The following SLC4A4 variants were observed in gnomAD, a reference collection of about 807,000 sequenced individuals.
SLC4A4 encodes the protein solute carrier family 4 member 4.
SLC4A4 carries 27 observed loss-of-function variants against 111.5 expected under a neutral mutation model. The ratio of observed to expected loss-of-function variants is 0.24; its 90% confidence interval spans 0.18 to 0.33. SLC4A4 has a LOEUF of 0.33. SLC4A4 is among the 10% of genes least tolerant of loss of function. The pLI, the probability that SLC4A4 is intolerant of heterozygous loss-of-function variation, is 1.00. For missense variants in SLC4A4, 909 were observed against 1,315.5 expected, an observed-to-expected ratio of 0.69 and a Z score of 4.78; for synonymous variants, 443 against 463.4, an observed-to-expected ratio of 0.96 and a Z score of 0.57.
intron 3 of SLC4A4, among the ~76,000 whole-genome samples, chr4:71,289,939 A>G (rs1724205005): frequency 6.6e-6 from 1 of 152,188 alleles, no homozygotes; most frequent in Admixed American, 6.5e-5. Context: ...AATGACAGAT[A>G]CTGGTAATTA....
At chr4:71,334,420 A>G (rs979474016) in intron 3 of SLC4A4, among the ~76,000 whole-genome samples, 1 of 151,578 alleles carries the variant, frequency 6.6e-6, no homozygotes, top group Non-Finnish European at 1.5e-5. Context: ...TCTTCCCTCT[A>G]CTCTCCTCAA....
chr4:71,307,402 A>C (rs1037475344), intron 3 of SLC4A4, among the ~76,000 whole-genome samples: 1 of 152,216 alleles, frequency 6.6e-6, no homozygotes, highest in African/African-American at 2.4e-5. Context: ...TGGAAAACAC[A>C]GGTGTTGTCT....
At chr4:71,373,482 GC>G (rs1412914235) in intron 6 of SLC4A4, among the ~76,000 whole-genome samples, 1 of 152,130 alleles carries the variant, frequency 6.6e-6, no homozygotes, top group Admixed American at 6.6e-5. Context: ...ATCATGCTAG[GC>G]TAGAGAAAAG....
intron 7 of SLC4A4, among the ~76,000 whole-genome samples, chr4:71,406,056 T>C (rs921673445): frequency 6.6e-6 from 1 of 151,974 alleles, no homozygotes; most frequent in Admixed American, 6.6e-5. Context: ...CAAGAGCCCT[T>C]CTTGGTGGTC....
intron 16 of SLC4A4, among the ~76,000 whole-genome samples, chr4:71,509,087 T>C (rs1731674197): frequency 6.6e-6 from 1 of 152,200 alleles, no homozygotes; most frequent in South Asian, 2.1e-4. Context: ...AAACTAGTTA[T>C]TAAAGGAAGA....
At chr4:71,381,037 G>A (rs975629562) in intron 6 of SLC4A4, among the ~76,000 whole-genome samples, 2 of 152,260 alleles carry the variant, frequency 1.3e-5, no homozygotes, top group Non-Finnish European at 1.5e-5. Flanking sequence ...AACAGCTGGA[G>A]CACACTTACT....
chr4:71,530,968 C>G (rs2149208082), intron 16 of SLC4A4, among the ~76,000 whole-genome samples: 1 of 152,176 alleles, frequency 6.6e-6, no homozygotes, highest in East Asian at 1.9e-4. Flanking sequence ...AGCAGGCTTC[C>G]TTGTATATAA....
chr4:71,510,981 A>G (rs1334363099), intron 16 of SLC4A4, among the ~76,000 whole-genome samples: 2 of 152,100 alleles, frequency 1.3e-5, no homozygotes, highest in Non-Finnish European at 2.9e-5. Context: ...TCATTGCATA[A>G]AACAATTTTG....
intron 16 of SLC4A4, among the ~76,000 whole-genome samples, chr4:71,530,784 T>C (rs1462941980): frequency 2.0e-5 from 3 of 152,142 alleles, no homozygotes; most frequent in African/African-American, 7.2e-5. Flanking sequence ...TTAGTTTCTG[T>C]TGACTACCTG....
chr4:71,144,017 T>C (rs1744089206), intron 2 of SLC4A4, among the ~76,000 whole-genome samples: 1 of 152,232 alleles, frequency 6.6e-6, no homozygotes, highest in Admixed American at 6.5e-5. Flanking sequence ...ATGAAGTCCT[T>C]GCCCATGCCT....
chr4:71,514,027 T>C (rs891431842), intron 16 of SLC4A4, among the ~76,000 whole-genome samples: 2 of 152,186 alleles, frequency 1.3e-5, no homozygotes, highest in African/African-American at 4.8e-5. Context: ...ACTGTTGGAT[T>C]TGGGTTGCTG....
Position 71,218,395 on chromosome 4 carries a change from C to G in SLC4A4, c.-1-18181C>G, listed in dbSNP as rs930565225. On this transcript the variant is annotated intron_variant, in intron 1 of 25. Coordinates refer to ENST00000264485, the MANE Select transcript of SLC4A4 (RefSeq NM_001098484.3). ...TTCAGTCACTTGTTTGATGACCTTT[C>G]TAAACAAATACGTGTGCTGCTTCCA... 9.2e-5 allele frequency among the ~76,000 whole-genome samples: 14 copies of G among 152,272 alleles called. No homozygotes were observed. The East Asian group carries it at 2.1e-3, about 23-fold the overall frequency.
At chr4:71,354,925 A>G (rs764766131) in intron 5 of SLC4A4, among the ~76,000 whole-genome samples, 11 of 152,002 alleles carry the variant, frequency 7.2e-5, no homozygotes, top group African/African-American at 1.5e-4. Flanking sequence ...TTCTCTCCCA[A>G]TTGGTAGTGT....
chr4:71,158,986 A>G (rs901166924), intron 2 of SLC4A4, among the ~76,000 whole-genome samples: 8 of 152,348 alleles, frequency 5.3e-5, no homozygotes, highest in Middle Eastern at 3.4e-3. Context: ...GCAGTACTTC[A>G]TATCTGTTTT....
intron 6 of SLC4A4, among the ~76,000 whole-genome samples, chr4:71,360,727 A>G (rs2148917592): frequency 6.6e-6 from 1 of 152,298 alleles, no homozygotes; most frequent in South Asian, 2.1e-4. Context: ...GATCAACTAA[A>G]GTATTGTATG....
chr4:71,454,678 T>G (rs1726066725), intron 12 of SLC4A4, among the ~76,000 whole-genome samples: 1 of 152,172 alleles, frequency 6.6e-6, no homozygotes, highest in Non-Finnish European at 1.5e-5. Context: ...ACATCTATGT[T>G]GACCTAAGTA....
At chr4:71,357,228 T>C in intron 6 of SLC4A4, 41 bp downstream of exon 6, 1 of 1,588,068 alleles carries the variant, frequency 6.3e-7, no homozygotes, top group South Asian at 1.1e-5. Context: ...CTCTTACTTA[T>C]TTCACTCACC....
At chr4:71,527,832 A>G (rs1733557693) in intron 16 of SLC4A4, among the ~76,000 whole-genome samples, 1 of 152,090 alleles carries the variant, frequency 6.6e-6, no homozygotes, top group African/African-American at 2.4e-5. Context: ...TCTAGCCTAG[A>G]AATATAAATT....
intron 1 of SLC4A4, among the ~76,000 whole-genome samples, chr4:71,208,623 A>G (rs752271757): frequency 2.0e-5 from 3 of 151,246 alleles, no homozygotes; most frequent in Non-Finnish European, 4.4e-5. Flanking sequence ...TTTTTTTGGT[A>G]TTAAAATCTC....
Sources: gnomAD v4.1 joint callset for allele counts (sites outside exome capture counted in the v4.1 genomes callset) on GRCh38, gnomAD v4.1.1 for gene constraint, MANE v1.5 for transcripts, NCBI Gene and HGNC (gene_info 2026-07-23, HGNC 2026-07-21) for gene names.